LARGE1: variants seen among roughly 807,000 people sequenced by gnomAD.
The protein encoded by LARGE1 is xylosyl- and glucuronyltransferase LARGE1.
In LARGE1, 43 loss-of-function variants were observed where a neutral mutation model predicts 87.6. That is an observed-to-expected ratio of 0.49 (90% CI 0.38 to 0.63). The LOEUF (loss-of-function observed/expected upper bound fraction) is 0.63. Among genes scored for constraint, LARGE1 ranks in the 30% least tolerant of loss-of-function variants. The pLI is 0.00. For missense variants in LARGE1, 802 were observed against 1,000.2 expected (o/e 0.80, Z 2.67); for synonymous variants, 434 against 394.6 (o/e 1.10, Z -1.18).
intron 5 of LARGE1, among the ~76,000 whole-genome samples, chr22:33,565,381 T>C (rs921620608): frequency 1.3e-5 from 2 of 152,222 alleles, no homozygotes; most frequent in African/African-American, 4.8e-5. Flanking sequence ...TGAATCCCAC[T>C]ACAAATACTT....
At chr22:33,624,758 T>C (rs1020067852) in intron 4 of LARGE1, among the ~76,000 whole-genome samples, 2 of 152,138 alleles carry the variant, frequency 1.3e-5, no homozygotes, top group African/African-American at 4.8e-5. Flanking sequence ...GATGTGCCTG[T>C]TTGAAATGTC....
intron 6 of LARGE1, among the ~76,000 whole-genome samples, chr22:33,499,541 C>T (rs890695199): frequency 2.6e-5 from 4 of 152,166 alleles, no homozygotes; most frequent in South Asian, 2.1e-4. Flanking sequence ...GGAGCCAGCC[C>T]GAGGACACGG....
intron 3 of LARGE1, among the ~76,000 whole-genome samples, chr22:33,648,680 A>C (rs1189662248): frequency 6.6e-6 from 1 of 152,218 alleles, no homozygotes; most frequent in Non-Finnish European, 1.5e-5. Flanking sequence ...AGAGATATTA[A>C]GTAACAGAAG....
chr22:33,365,945 T>C (rs987970860), intron 9 of LARGE1, among the ~76,000 whole-genome samples: 2 of 152,220 alleles, frequency 1.3e-5, no homozygotes, highest in Non-Finnish European at 2.9e-5. Context: ...CCTGTTTGAT[T>C]GAGTTATTGA....
intron 1 of LARGE1, among the ~76,000 whole-genome samples, chr22:33,765,333 T>G (rs896554616): frequency 6.6e-6 from 1 of 152,174 alleles, no homozygotes; most frequent in African/African-American, 2.4e-5. Context: ...ATTATGATTA[T>G]TTCTTTCCCA....
intron 6 of LARGE1, among the ~76,000 whole-genome samples, chr22:33,474,095 T>A (rs974627200): frequency 1.3e-5 from 2 of 152,232 alleles, no homozygotes; most frequent in Non-Finnish European, 2.9e-5. Context: ...ATCTGGATAA[T>A]CTTTTTCACT....
chr22:33,630,051 T>C (rs1328898509), intron 3 of LARGE1, among the ~76,000 whole-genome samples: 3 of 152,048 alleles, frequency 2.0e-5, no homozygotes, highest in East Asian at 1.9e-4. Flanking sequence ...TACAAAAAAT[T>C]AGCCAGGTGT....
chr22:33,093,822 CTTTTTTTTTTT>C, the LARGE1 span, among the ~76,000 whole-genome samples: 7 of 81,578 alleles, frequency 8.6e-5, no homozygotes, highest in Admixed American at 3.1e-4. Context: ...TTCTTTCTTT[CTTTTTTTTTTT>C]TTTTTTTTTT....
chr22:33,638,038 T>G (rs1569332238), intron 3 of LARGE1, among the ~76,000 whole-genome samples: 1 of 152,130 alleles, frequency 6.6e-6, no homozygotes. Flanking sequence ...AAGAGGACAT[T>G]TTTATTTTTG....
intron 7 of LARGE1, among the ~76,000 whole-genome samples, chr22:33,406,490 A>T (rs1439350227): frequency 1.3e-5 from 2 of 151,644 alleles, no homozygotes; most frequent in East Asian, 3.9e-4. Flanking sequence ...GTGTGATGAA[A>T]CATCCATGTT....
downstream of LARGE1, among the ~76,000 whole-genome samples, chr22:33,159,220 A>G (rs1921949026): frequency 6.6e-6 from 1 of 152,140 alleles, no homozygotes; most frequent in Admixed American, 6.5e-5. Flanking sequence ...ATTGTCTGAC[A>G]GTTCTCTGAC....
intron 2 of LARGE1, among the ~76,000 whole-genome samples, chr22:33,684,109 T>C (rs1420930847): frequency 6.6e-6 from 1 of 151,998 alleles, no homozygotes; most frequent in African/African-American, 2.4e-5. Flanking sequence ...CGAGGCAAGA[T>C]TTAGTACCGA....
At chr22:33,071,456 GAAATTTTT>G in the LARGE1 span, among the ~76,000 whole-genome samples, 4 of 152,164 alleles carry the variant, frequency 2.6e-5, no homozygotes, top group Admixed American at 1.3e-4. Context: ...ACTAGACTCT[GAAATTTTT>G]GTTGTAGGGG....
At chr22:33,371,712 C>T (rs111820453) in intron 9 of LARGE1, among the ~76,000 whole-genome samples, 1,780 of 152,154 alleles carry the variant, frequency 0.012, 22 homozygotes, top group African/African-American at 0.035. Flanking sequence ...TTGCCGGGCG[C>T]GGTGGCTCAC....
At chr22:33,174,381 A>C (rs1439666404) in intron 11 of LARGE1, among the ~76,000 whole-genome samples, 1 of 152,232 alleles carries the variant, frequency 6.6e-6, no homozygotes, top group Admixed American at 6.5e-5. Flanking sequence ...CCCACATGAG[A>C]GAGCAGGAAA....
At chr22:33,210,449 T>A (rs1924904076) in intron 11 of LARGE1, among the ~76,000 whole-genome samples, 1 of 152,222 alleles carries the variant, frequency 6.6e-6, no homozygotes, top group Admixed American at 6.5e-5. Flanking sequence ...TGGTCTCCTG[T>A]CCTCTGCAAC....
Position 33,387,206 on chromosome 22 carries a change from T to C in LARGE1, c.893-2902A>G, listed in dbSNP as rs1353752484. Reference sequence around the variant, plus strand: ...TTGGGAGGCCAAGGTGCACAGATCATCTGAAGTCAGGAGTCCAAGACCAGC... The same window carrying C: ...TTGGGAGGCCAAGGTGCACAGATCACCTGAAGTCAGGAGTCCAAGACCAGC... On this transcript the variant is annotated intron_variant, in intron 7 of 14. Coordinates refer to ENST00000397394, the MANE Select transcript of LARGE1 (RefSeq NM_133642.5). Among the ~76,000 whole-genome samples, 10 of 147,280 alleles carry C rather than the reference T, an allele frequency of 6.8e-5. 1 individual carries two copies. The highest frequency in any genetic ancestry group is 1.5e-4 in the Non-Finnish European group (10 of 65,950).
chr22:33,236,245 A>G (rs1201104716), intron 11 of LARGE1, among the ~76,000 whole-genome samples: 1 of 152,206 alleles, frequency 6.6e-6, no homozygotes, highest in Non-Finnish European at 1.5e-5. Context: ...AGCCCTAGGA[A>G]ACGAATACAT....
intron 7 of LARGE1, among the ~76,000 whole-genome samples, chr22:33,394,334 C>T (rs375289375): frequency 2.0e-5 from 3 of 151,868 alleles, no homozygotes; most frequent in East Asian, 3.9e-4. Context: ...GAGTAGCTGG[C>T]ACTACAGGCG....
Sources: allele counts gnomAD v4.1 joint callset (sites outside exome capture counted in the v4.1 genomes callset), GRCh38; gene constraint gnomAD v4.1.1; transcripts MANE v1.5; gene names NCBI Gene and HGNC (gene_info 2026-07-23, HGNC 2026-07-21).